Variants in HS6ST3 observed in about 807,000 individuals in gnomAD.
HS6ST3 encodes heparan sulfate 6-O-sulfotransferase 3, also known as heparan-sulfate 6-O-sulfotransferase 3.
Under a neutral mutation model 36.7 loss-of-function variants are expected in HS6ST3, and 12 were observed. The ratio of observed to expected loss-of-function variants is 0.33; its 90% CI spans 0.21 to 0.53. The LOEUF (loss-of-function observed/expected upper bound fraction) is 0.53. Ranked by LOEUF, HS6ST3 falls within the 20% of genes least tolerant of loss-of-function variation. The pLI, the probability that HS6ST3 is intolerant of heterozygous loss-of-function variation, is 0.95. For synonymous variants in HS6ST3, 240 were observed against 257.5 expected (o/e 0.93, Z 0.65); for missense variants, 584 against 640.9 (o/e 0.91, Z 0.96).
chr13:96,765,757 G>T (rs1254813073), intron 1 of HS6ST3, among the ~76,000 whole-genome samples: 1 of 152,078 alleles, frequency 6.6e-6, no homozygotes, highest in African/African-American at 2.4e-5. Context: ...ACTAAATATA[G>T]ACTGAGTTTT....
chr13:96,659,736 C>T (rs574772071), intron 1 of HS6ST3, among the ~76,000 whole-genome samples: 1 of 152,128 alleles, frequency 6.6e-6, no homozygotes, highest in Admixed American at 6.5e-5. Context: ...TGCTCCAGAA[C>T]CATTTATGGA....
intron 1 of HS6ST3, among the ~76,000 whole-genome samples, chr13:96,113,939 G>A (rs2053882065): frequency 6.6e-6 from 1 of 152,036 alleles, no homozygotes; most frequent in Non-Finnish European, 1.5e-5. Context: ...GTAATATTAT[G>A]CCCCCATTAA....
chr13:96,700,958 T>C (rs1156312645), intron 1 of HS6ST3, among the ~76,000 whole-genome samples: 1 of 152,160 alleles, frequency 6.6e-6, no homozygotes, highest in Non-Finnish European at 1.5e-5. Context: ...CTCATTTACT[T>C]CACCGGAAGC....
intron 1 of HS6ST3, among the ~76,000 whole-genome samples, chr13:96,824,100 G>A (rs1878599725): frequency 6.6e-6 from 1 of 152,230 alleles, no homozygotes; most frequent in South Asian, 2.1e-4. Context: ...CTCCCCTCTT[G>A]AGGGAAGCCC....
chr13:96,799,938 G>GTGTGTGTATATATATATATATA, intron 1 of HS6ST3, among the ~76,000 whole-genome samples: 1 of 97,040 alleles, frequency 1.0e-5, no homozygotes, highest in Non-Finnish European at 2.0e-5. Context: ...ATACATATAT[G>GTGTGTGTATATATATATATATA]TGTGTGTATA....
chr13:96,298,669 T>G (rs1457632835), intron 1 of HS6ST3, among the ~76,000 whole-genome samples: 1 of 152,188 alleles, frequency 6.6e-6, no homozygotes, highest in Non-Finnish European at 1.5e-5. Flanking sequence ...CAAAATTTTT[T>G]TATTACTGAA....
chr13:96,570,433 A>C (rs2056296915), intron 1 of HS6ST3, among the ~76,000 whole-genome samples: 1 of 152,222 alleles, frequency 6.6e-6, no homozygotes, highest in South Asian at 2.1e-4. Flanking sequence ...GATTAATGCG[A>C]CATTGAAATC....
rs565238541 is a variant in HS6ST3 at position 96,821,173 on chromosome 13, G to A, written c.708-11317G>A. Among the ~76,000 whole-genome samples, 7 of 152,300 alleles carry A rather than the reference G, an allele frequency of 4.6e-5. No individual in the cohort carries two copies. In the East Asian group the frequency reaches 1.4e-3, roughly 29 times the overall value. ...GCTTCTTCTAAGCTGTATATATTCA[G>A]AGCATCCTCTGGATCCATGCACTCC... On this transcript the variant is annotated intron_variant, in intron 1 of 1. Coordinates refer to ENST00000376705, the MANE Select transcript of HS6ST3 (RefSeq NM_153456.4).
intron 1 of HS6ST3, among the ~76,000 whole-genome samples, chr13:96,826,297 T>TTAAAAGGTA (rs1878645710): frequency 6.6e-6 from 1 of 152,226 alleles, no homozygotes; most frequent in Non-Finnish European, 1.5e-5. Flanking sequence ...TTTAGGCATT[T>TTAAAAGGTA]TAAAAGGTAT....
intron 1 of HS6ST3, among the ~76,000 whole-genome samples, chr13:96,741,403 A>G (rs1423919088): frequency 6.6e-6 from 1 of 152,208 alleles, no homozygotes; most frequent in Non-Finnish European, 1.5e-5. Flanking sequence ...TATTTTGATT[A>G]GCTTTTCTAT....
At chr13:96,660,854 C>T (rs1268004404) in intron 1 of HS6ST3, among the ~76,000 whole-genome samples, 1 of 152,026 alleles carries the variant, frequency 6.6e-6, no homozygotes, top group Non-Finnish European at 1.5e-5. Flanking sequence ...AGAGGAAGAC[C>T]CACCTTCAGG....
At chr13:96,257,757 G>GGGA (rs2054644144) in intron 1 of HS6ST3, among the ~76,000 whole-genome samples, 2 of 152,162 alleles carry the variant, frequency 1.3e-5, no homozygotes, top group Non-Finnish European at 2.9e-5. Context: ...ACATAAACAT[G>GGGA]GGAATAAAGG....
At chr13:96,774,038 G>A (rs9556626) in intron 1 of HS6ST3, among the ~76,000 whole-genome samples, 17,509 of 152,150 alleles carry the variant, frequency 0.12, 1,272 homozygotes, top group East Asian at 0.3. Context: ...AGGCAAACAA[G>A]GTCTGGAGTG....
intron 1 of HS6ST3, among the ~76,000 whole-genome samples, chr13:96,439,645 C>T (rs1300466507): frequency 6.6e-6 from 1 of 152,156 alleles, no homozygotes; most frequent in Non-Finnish European, 1.5e-5. Flanking sequence ...AATCCTGCCT[C>T]TGTAGGGTTG....
intron 1 of HS6ST3, among the ~76,000 whole-genome samples, chr13:96,396,945 G>A (rs2055424996): frequency 1.3e-5 from 2 of 152,232 alleles, no homozygotes; most frequent in African/African-American, 4.8e-5. Context: ...GCACACGCCT[G>A]TAATCCTTGC....
intron 1 of HS6ST3, among the ~76,000 whole-genome samples, chr13:96,359,469 C>G (rs961211574): frequency 1.3e-5 from 2 of 152,172 alleles, no homozygotes; most frequent in East Asian, 3.9e-4. Flanking sequence ...TCTTTTCTTT[C>G]ATTTTAACCA....
At chr13:96,240,432 T>C (rs1235090307) in intron 1 of HS6ST3, among the ~76,000 whole-genome samples, 1 of 152,224 alleles carries the variant, frequency 6.6e-6, no homozygotes, top group Non-Finnish European at 1.5e-5. Flanking sequence ...TAATACATAA[T>C]AATGTATTGT....
chr13:96,122,513 A>T (rs950804282), intron 1 of HS6ST3, among the ~76,000 whole-genome samples: 1 of 152,162 alleles, frequency 6.6e-6, no homozygotes, highest in Non-Finnish European at 1.5e-5. Context: ...CACTGATGCA[A>T]TGTTAGCTTT....
At chr13:96,748,747 G>A (rs751805341) in intron 1 of HS6ST3, among the ~76,000 whole-genome samples, 10 of 151,904 alleles carry the variant, frequency 6.6e-5, no homozygotes, top group Non-Finnish European at 1.2e-4. Context: ...TCTTCTGCCT[G>A]GCTTGTAGTA....
Sources: gnomAD v4.1 joint callset for allele counts (sites outside exome capture counted in the v4.1 genomes callset) on GRCh38, gnomAD v4.1.1 for gene constraint, MANE v1.5 for transcripts, NCBI Gene and HGNC (gene_info 2026-07-23, HGNC 2026-07-21) for gene names.